CPNE2: variants seen among roughly 807,000 people sequenced by gnomAD.
CPNE2 encodes copine 2.
A neutral mutation model predicts 69.7 loss-of-function variants in CPNE2; 42 were observed. That is an observed-to-expected ratio of 0.60 (90% CI 0.47 to 0.78). The LOEUF (loss-of-function observed/expected upper bound fraction) is 0.78. Ranked by LOEUF, CPNE2 falls within the 30% of genes least tolerant of loss-of-function variation. The pLI, the probability that CPNE2 is intolerant of heterozygous loss-of-function variation, is 0.00. For missense variants in CPNE2, 587 were observed against 732.0 expected (o/e 0.80, Z 2.29); for synonymous variants, 294 against 289.8 (o/e 1.01, Z -0.15).
At chr16:57,110,365 C>T (rs2069673134) in intron 1 of CPNE2, among the ~76,000 whole-genome samples, 1 of 151,950 alleles carries the variant, frequency 6.6e-6, no homozygotes, top group African/African-American at 2.4e-5. Flanking sequence ...GCTGGGACCA[C>T]AGGCACGCAC....
rs768394381 is a variant in CPNE2 at position 57,147,634 on chromosome 16, C to T, written c.1623C>T (p.Pro541=). The T allele has an allele frequency of 1.1e-5, 17 of 1,603,824 alleles. No individual in the cohort carries two copies. The East Asian group carries it at 3.4e-4, about 32-fold the overall frequency. Residue 541 remains proline, a synonymous_variant, in exon 16 of 16, where the codon CCC becomes CCT. Transcript: ENST00000290776. ...VVQYFKHKNL[P]PTNSEPA ...AGTATTTCAAGCATAAAAACCTGCC[C>T]CCCACCAACTCGGAGCCCGCCTGAG... is the stretch of plus-strand genomic sequence containing the variant.
intron 1 of CPNE2, among the ~76,000 whole-genome samples, chr16:57,106,609 TGAGAA>T (rs1358209489): frequency 6.6e-6 from 1 of 151,946 alleles, no homozygotes; most frequent in Non-Finnish European, 1.5e-5. Context: ...ACCCTCAGGA[TGAGAA>T]GAGAAGTGTC....
At chr16:57,098,327 C>T (rs1178616405) in intron 1 of CPNE2, among the ~76,000 whole-genome samples, 1 of 152,226 alleles carries the variant, frequency 6.6e-6, no homozygotes, top group Non-Finnish European at 1.5e-5. Context: ...GCACAGCAGC[C>T]GGTGCCGTAG....
At chr16:57,144,090 C>CA (rs2069940606) in intron 14 of CPNE2, 1 of 152,308 alleles carries the variant, frequency 6.6e-6, no homozygotes, top group African/African-American at 2.4e-5. Context: ...GGCCCAGGAA[C>CA]AGTGGTGGGC....
intron 12 of CPNE2, among the ~76,000 whole-genome samples, chr16:57,134,418 A>G (rs1430086744): frequency 6.6e-6 from 1 of 152,186 alleles, no homozygotes; most frequent in Non-Finnish European, 1.5e-5. Flanking sequence ...ATCCAGCTGT[A>G]GCAGTGATGA....
At chr16:57,117,849 G>T (rs1190933654) in intron 5 of CPNE2, among the ~76,000 whole-genome samples, 1 of 152,106 alleles carries the variant, frequency 6.6e-6, no homozygotes, top group East Asian at 1.9e-4. Context: ...ACCCAATGGG[G>T]CCCTGCCTGA....
chr16:57,119,483 T>C, intron 6 of CPNE2, 78 bp from the exon 7 acceptor site: 6 of 1,283,950 alleles, frequency 4.7e-6, no homozygotes, highest in Non-Finnish European at 6.7e-6. Flanking sequence ...TTTGTCACCC[T>C]GTCCCCATTG....
intron 15 of CPNE2, 127 bp from the exon 16 acceptor site, chr16:57,147,424 C>T (rs2145290902): frequency 5.1e-6 from 3 of 592,736 alleles, no homozygotes; most frequent in Admixed American, 3.0e-5. Context: ...AGCCCTGGCC[C>T]GCAGCCCTAA....
At chr16:57,107,557 C>T (rs2069655585) in intron 1 of CPNE2, among the ~76,000 whole-genome samples, 1 of 152,188 alleles carries the variant, frequency 6.6e-6, no homozygotes, top group African/African-American at 2.4e-5. Context: ...GAGGAGTGGA[C>T]CCAGCATAGT....
intron 1 of CPNE2, among the ~76,000 whole-genome samples, chr16:57,100,294 C>G (rs1264679190): frequency 2.0e-5 from 3 of 152,148 alleles, no homozygotes; most frequent in Non-Finnish European, 4.4e-5. Context: ...ACAGCATATG[C>G]AGAATTAGGG....
intron 4 of CPNE2, 71 bp downstream of exon 4, chr16:57,115,621 C>A: frequency 1.8e-6 from 2 of 1,092,826 alleles, no homozygotes; most frequent in Non-Finnish European, 1.3e-6. Flanking sequence ...CAATGGGCCG[C>A]TTCCCTGGCA....
chr16:57,101,681 G>A (rs115724065), intron 1 of CPNE2, among the ~76,000 whole-genome samples: 2 of 152,220 alleles, frequency 1.3e-5, no homozygotes, highest in Non-Finnish European at 2.9e-5. Context: ...CTGTAGCCTC[G>A]TGTCTCAAAG....
intron 10 of CPNE2, 47 bp downstream of exon 10, chr16:57,123,520 G>T: frequency 6.3e-7 from 1 of 1,596,778 alleles, no homozygotes; most frequent in Non-Finnish European, 8.6e-7. Context: ...TCCCAGTGAG[G>T]GTCCTCCCTG....
intron 11 of CPNE2, among the ~76,000 whole-genome samples, chr16:57,126,531 G>A (rs2069802679): frequency 1.3e-5 from 2 of 152,126 alleles, no homozygotes; most frequent in Non-Finnish European, 2.9e-5. Flanking sequence ...GTCAGTGAAG[G>A]GAAGCTGTGT....
intron 1 of CPNE2, among the ~76,000 whole-genome samples, chr16:57,108,259 A>T (rs2145242744): frequency 6.6e-6 from 1 of 152,318 alleles, no homozygotes; most frequent in African/African-American, 2.4e-5. Flanking sequence ...GAGTGAATGA[A>T]AGCCTCAGTT....
intron 9 of CPNE2, among the ~76,000 whole-genome samples, chr16:57,122,256 G>C (rs1324590224): frequency 6.6e-6 from 1 of 152,244 alleles, no homozygotes; most frequent in Non-Finnish European, 1.5e-5. Context: ...GCAAATAACT[G>C]CTGGATCTGG....
Position 57,121,655 on chromosome 16 carries a change from T to C in CPNE2, c.781-19T>C. 1 of 1,613,508 alleles carries C rather than the reference T, an allele frequency of 6.2e-7. No homozygotes were observed. ...AAAGAAGCCCCGAGGTGAGTGTCTC[T>C]TTCTTTTGCGTTGCCCAGCTGGAGT... On this transcript the variant is annotated intron_variant, in intron 8 of 15. Coordinates refer to ENST00000290776, the MANE Select transcript of CPNE2 (RefSeq NM_152727.6).
In CPNE2 at chr16:57,146,384, C is replaced by T; in HGVS notation, c.1539+63C>T. The T allele has an allele frequency of 4.4e-6, 6 of 1,376,914 alleles. No homozygotes were observed. Among genetic ancestry groups the T allele is most frequent in the Non-Finnish European group, 6.0e-6 (6 of 1,006,294 alleles). The allele number at this position is 1,376,914 out of a possible 1,614,324, so 85.3% of individuals were successfully genotyped here. ...GATCCCAGCCACCATAGCTCATAATCAAGCTTGAGAGTCTTGGGGTTGTCT... is the reference window on the plus strand; with the variant it reads ...GATCCCAGCCACCATAGCTCATAATTAAGCTTGAGAGTCTTGGGGTTGTCT... On this transcript the variant is annotated intron_variant, in intron 15 of 15. Coordinates refer to ENST00000290776, the MANE Select transcript of CPNE2 (RefSeq NM_152727.6). This position sits in a 1 kb window ranked among gnomAD's most constrained non-coding sequence, Gnocchi z 4.4.
chr16:57,093,327 G>A (rs555940726), intron 1 of CPNE2, among the ~76,000 whole-genome samples: 1 of 152,094 alleles, frequency 6.6e-6, no homozygotes, highest in Non-Finnish European at 1.5e-5. Flanking sequence ...CCCAGAAGTC[G>A]GAGTGTGTTT....
Sources: gnomAD v4.1 joint callset for allele counts (sites outside exome capture counted in the v4.1 genomes callset) on GRCh38, gnomAD v4.1.1 for gene constraint, Gnocchi (gnomAD v3.1) non-coding constraint, MANE v1.5 for transcripts, NCBI Gene and HGNC (gene_info 2026-07-23, HGNC 2026-07-21) for gene names.